The following L2HGDH variants were observed in gnomAD, a reference collection of about 807,000 sequenced individuals.
L2HGDH encodes L-2-hydroxyglutarate dehydrogenase, also known as L-2-hydroxyglutarate dehydrogenase, mitochondrial.
L2HGDH carries 34 observed loss-of-function variants against 51.5 expected under a neutral mutation model. That is an observed-to-expected ratio of 0.66 (90% CI 0.50 to 0.88). L2HGDH has a LOEUF of 0.88. Ranked by LOEUF, L2HGDH falls within the 40% of genes least tolerant of loss-of-function variation. The pLI, the probability that L2HGDH is intolerant of heterozygous loss-of-function variation, is 0.00. For synonymous variants in L2HGDH, 198 were observed against 197.9 expected (o/e 1.00, Z -0.01); for missense variants, 558 against 571.9 (o/e 0.98, Z 0.25).
At chr14:50,310,944 T>C (rs1409908545) in intron 1 of L2HGDH, among the ~76,000 whole-genome samples, 90 of 134,506 alleles carry the variant, frequency 6.7e-4, no homozygotes, top group African/African-American at 2.3e-3. Flanking sequence ...TTCTTTTTTT[T>C]TTTTTTTTTT....
chr14:50,310,434 C>T (rs2031036795), intron 1 of L2HGDH, among the ~76,000 whole-genome samples: 1 of 150,974 alleles, frequency 6.6e-6, no homozygotes, highest in Non-Finnish European at 1.5e-5. Context: ...AGGCCAGGCA[C>T]GGTGGCTCAC....
At chr14:50,309,490 A>G (rs1053210146) in intron 1 of L2HGDH, among the ~76,000 whole-genome samples, 1 of 151,938 alleles carries the variant, frequency 6.6e-6, no homozygotes, top group South Asian at 2.1e-4. Flanking sequence ...TCAACCTAGG[A>G]GACAGAGGTT....
At chr14:50,306,688 G>A (rs1349339515) in intron 1 of L2HGDH, among the ~76,000 whole-genome samples, 1 of 151,732 alleles carries the variant, frequency 6.6e-6, no homozygotes. Context: ...GTGGATAGCG[G>A]GAGTAGAGTC....
intron 1 of L2HGDH, among the ~76,000 whole-genome samples, chr14:50,310,942 T>C (rs1165682924): frequency 2.0e-4 from 26 of 132,856 alleles, no homozygotes; most frequent in East Asian, 8.6e-4. Flanking sequence ...TTTTCTTTTT[T>C]TTTTTTTTTT....
chr14:50,245,657 C>A lies in L2HGDH; in HGVS notation c.*1401G>T. ...CTCTTCAAAATTAAAAGAATGTAACCTACAATATAATGTATTTTCTTGTCT... is the reference window on the plus strand; with the variant it reads ...CTCTTCAAAATTAAAAGAATGTAACATACAATATAATGTATTTTCTTGTCT... On this transcript the variant is annotated 3_prime_UTR_variant, in exon 10 of 10. Coordinates refer to ENST00000267436, the MANE Select transcript of L2HGDH (RefSeq NM_024884.3). 1 of 982,084 alleles carries A rather than the reference C, an allele frequency of 1.0e-6. No homozygotes were observed. The highest frequency in any genetic ancestry group is 1.2e-6 in the Non-Finnish European group (1 of 827,000). 60.8% of individuals were successfully genotyped at this position (982,084 alleles called of 1,614,324 possible).
chr14:50,250,679 C>G (rs1464808129), intron 9 of L2HGDH, among the ~76,000 whole-genome samples: 1 of 152,182 alleles, frequency 6.6e-6, no homozygotes, highest in East Asian at 1.9e-4. Flanking sequence ...ACCACACCCC[C>G]CAGTTCCAGG....
chr14:50,288,566 G>A (rs1470297757), intron 4 of L2HGDH, among the ~76,000 whole-genome samples: 1 of 152,142 alleles, frequency 6.6e-6, no homozygotes, highest in African/African-American at 2.4e-5. Context: ...GAGTAGCTGG[G>A]ATTACAGGCA....
chr14:50,280,634 T>C (rs1002609326), intron 5 of L2HGDH, among the ~76,000 whole-genome samples: 3 of 152,142 alleles, frequency 2.0e-5, no homozygotes, highest in Non-Finnish European at 2.9e-5. Context: ...CTGAGTCCCA[T>C]AGGATTTTGC....
At chr14:50,247,921 G>C (rs150045051) in intron 9 of L2HGDH, among the ~76,000 whole-genome samples, 152 of 151,370 alleles carry the variant, frequency 1.0e-3, no homozygotes, top group Admixed American at 2.9e-3. Context: ...AGATAGTCTT[G>C]ATCTGTTGCT....
chr14:50,302,281 T>A (rs2030457754), intron 2 of L2HGDH, 113 bp from the exon 3 acceptor site: 12 of 1,129,580 alleles, frequency 1.1e-5, no homozygotes, highest in Non-Finnish European at 1.5e-5. Context: ...TGTAAAATTC[T>A]GCCTGAATTT....
chr14:50,270,496 TTG>T (rs1889610573), intron 6 of L2HGDH, among the ~76,000 whole-genome samples: 1 of 34,736 alleles, frequency 2.9e-5, no homozygotes, highest in African/African-American at 8.2e-5. Context: ...TACTGTTTTG[TTG>T]TTGTTGTTGT....
At chr14:50,267,674 T>C (rs1595087383) in intron 8 of L2HGDH, 79 bp downstream of exon 8, 8 of 1,070,652 alleles carry the variant, frequency 7.5e-6, no homozygotes, top group Admixed American at 1.9e-5. Context: ...ACCCAATAAG[T>C]AGAGTATCAA....
intron 4 of L2HGDH, among the ~76,000 whole-genome samples, chr14:50,287,534 A>G (rs1456636245): frequency 6.6e-6 from 1 of 152,074 alleles, no homozygotes; most frequent in Non-Finnish European, 1.5e-5. Flanking sequence ...AATAAAAATT[A>G]AAAGGTTTTA....
chr14:50,281,168 G>A (rs1252600665), intron 5 of L2HGDH, among the ~76,000 whole-genome samples: 1 of 152,134 alleles, frequency 6.6e-6, no homozygotes, highest in Non-Finnish European at 1.5e-5. Context: ...CTCCAGAATG[G>A]TATGTGTTCC....
intron 1 of L2HGDH, among the ~76,000 whole-genome samples, chr14:50,306,369 G>T (rs1044270993): frequency 6.6e-6 from 1 of 151,910 alleles, no homozygotes; most frequent in East Asian, 1.9e-4. Context: ...AATTTATCAA[G>T]TTGATATCTA....
chr14:50,274,271 T>C (rs1236154940), intron 6 of L2HGDH, among the ~76,000 whole-genome samples: 1 of 147,398 alleles, frequency 6.8e-6, no homozygotes. Context: ...AGAGACCCTG[T>C]CTCAAAAAAA....
chr14:50,261,430 C>T (rs1326335543), intron 9 of L2HGDH, among the ~76,000 whole-genome samples: 1 of 152,194 alleles, frequency 6.6e-6, no homozygotes, highest in African/African-American at 2.4e-5. Context: ...CAGATACAAA[C>T]TGCTGTTAGA....
chr14:50,290,507 TAA>T (rs1464933180), intron 4 of L2HGDH, among the ~76,000 whole-genome samples: 1 of 152,202 alleles, frequency 6.6e-6, no homozygotes, highest in Admixed American at 6.5e-5. Context: ...ACCTTTTTTA[TAA>T]GAGACAGATG....
intron 3 of L2HGDH, among the ~76,000 whole-genome samples, chr14:50,300,604 C>T (rs964733593): frequency 5.9e-5 from 9 of 151,958 alleles, no homozygotes; most frequent in African/African-American, 1.4e-4. Context: ...CGGCCCATAA[C>T]GTATACATAC....
Sources: allele counts gnomAD v4.1 joint callset (sites outside exome capture counted in the v4.1 genomes callset), GRCh38; gene constraint gnomAD v4.1.1; transcripts MANE v1.5; gene names NCBI Gene and HGNC (gene_info 2026-07-23, HGNC 2026-07-21).